The following JCAD variants were observed in gnomAD, a reference collection of about 807,000 sequenced individuals.
JCAD encodes junctional cadherin 5 associated, also known as junctional cadherin 5-associated protein.
Under a neutral mutation model 98.0 loss-of-function variants are expected in JCAD, and 40 were observed. That is an observed-to-expected ratio of 0.41 (90% CI 0.32 to 0.53). The LOEUF (loss-of-function observed/expected upper bound fraction) is 0.53, where lower values mean the gene tolerates loss of function less well. Ranked by LOEUF, JCAD falls within the 20% of genes least tolerant of loss-of-function variation. The pLI is 0.31. For synonymous variants in JCAD, 691 were observed against 682.3 expected (o/e 1.01, Z -0.20); for missense variants, 1,705 against 1,738.1 (o/e 0.98, Z 0.34).
chr10:30,102,590 C>A (rs976916368), intron 1 of JCAD, among the ~76,000 whole-genome samples: 4 of 152,222 alleles, frequency 2.6e-5, no homozygotes, highest in African/African-American at 9.6e-5. Context: ...TTAAACAACA[C>A]CTTCCGCTTT....
At chr10:30,034,661 CCA>C (rs1376183870) in intron 2 of JCAD, among the ~76,000 whole-genome samples, 1 of 152,124 alleles carries the variant, frequency 6.6e-6, no homozygotes, top group Non-Finnish European at 1.5e-5. Flanking sequence ...GCTCCAGAAG[CCA>C]CAGAGTCCTC....
At chr10:30,053,525 C>T (rs775032963) in intron 1 of JCAD, among the ~76,000 whole-genome samples, 1 of 149,164 alleles carries the variant, frequency 6.7e-6, no homozygotes, top group Non-Finnish European at 1.5e-5. Context: ...TGCCACTACA[C>T]TCCAGCCTGG....
chr10:30,104,588 G>A (rs1393940629), intron 1 of JCAD, among the ~76,000 whole-genome samples: 1 of 152,116 alleles, frequency 6.6e-6, no homozygotes, highest in Non-Finnish European at 1.5e-5. Flanking sequence ...CCAGGGAGGA[G>A]GGCAAGGGTT....
intron 1 of JCAD, among the ~76,000 whole-genome samples, chr10:30,092,909 G>A (rs1343013017): frequency 6.6e-6 from 1 of 152,010 alleles, no homozygotes; most frequent in East Asian, 1.9e-4. Flanking sequence ...GGGGTGTTAT[G>A]GAAAAATAGA....
At chr10:30,083,279 T>C (rs1838117015) in intron 1 of JCAD, among the ~76,000 whole-genome samples, 1 of 152,176 alleles carries the variant, frequency 6.6e-6, no homozygotes, top group African/African-American at 2.4e-5. Context: ...GTCAGACAAC[T>C]ATTTAGAGTC....
chr10:30,092,089 AAAGT>A lies in JCAD; in HGVS notation n.129-22272_129-22269del, dbSNP rs1564469939. 6.5e-4 allele frequency among the ~76,000 whole-genome samples: 20 copies of A among 30,600 alleles called. 1 individual carries two copies. Among genetic ancestry groups the A allele is most frequent in the African/African-American group, 2.8e-3 (18 of 6,402 alleles). 20.1% of individuals were successfully genotyped at this position (30,600 alleles called of 152,430 possible). On this transcript the variant is annotated intron_variant and non_coding_transcript_variant, in intron 1 of 2. Coordinates refer to the JCAD transcript ENST00000465712. Reference sequence around the variant, plus strand: ...AATATATATATATATATATATATATAAAGTTACTTTATATATATATATATATATA... The same window carrying A: ...AATATATATATATATATATATATATATACTTTATATATATATATATATATA...
intron 1 of JCAD, among the ~76,000 whole-genome samples, chr10:30,071,134 G>A (rs1837878724): frequency 6.6e-6 from 1 of 152,082 alleles, no homozygotes; most frequent in African/African-American, 2.4e-5. Context: ...TGAACTCCTG[G>A]CCTCAAGTGA....
intron 1 of JCAD, among the ~76,000 whole-genome samples, chr10:30,105,965 C>G (rs550866904): frequency 6.6e-6 from 1 of 152,302 alleles, no homozygotes; most frequent in South Asian, 2.1e-4. Flanking sequence ...GCTAACTCTT[C>G]CAAGCATTTA....
intron 2 of JCAD, among the ~76,000 whole-genome samples, chr10:30,031,694 G>A (rs1457719225): frequency 2.0e-5 from 3 of 150,294 alleles, no homozygotes; most frequent in South Asian, 2.1e-4. Context: ...CGCCCACCTC[G>A]GCCTCCCAAA....
rs553748795 is a variant in JCAD at position 30,114,392 on chromosome 10, A to G, written n.128+975T>C. Among the ~76,000 whole-genome samples, 3 of 152,300 alleles carry G rather than the reference A, an allele frequency of 2.0e-5. No homozygotes were observed. In the East Asian group the frequency reaches 5.8e-4, roughly 29 times the overall value. Reference sequence around the variant, plus strand: ...TAAATGTTTGACTGACAACTGATTGATTGATTTGGCTTTATCATCAAGTAG... The same window carrying G: ...TAAATGTTTGACTGACAACTGATTGGTTGATTTGGCTTTATCATCAAGTAG... On this transcript the variant is annotated intron_variant and non_coding_transcript_variant, in intron 1 of 2. Coordinates refer to the JCAD transcript ENST00000465712.
At position 30,047,759 on chromosome 10, in the gene JCAD, G is replaced by T. The variant is rs750546675; in HGVS notation, c.54C>A (p.Asp18Glu). 1.9e-6 allele frequency: 3 copies of T among 1,614,162 alleles called. No individual in the cohort carries two copies. The highest frequency in any genetic ancestry group is 2.2e-5 in the East Asian group (1 of 44,886). Residue 18 changes from aspartate to glutamate, a missense_variant, in exon 2 of 4, where the codon GAC becomes GAA. This residue lies in a region of JCAD where 152 missense variants were observed against 148.0 expected (regional missense o/e 1.03). Coordinates refer to ENST00000375377, the MANE Select transcript of JCAD (RefSeq NM_020848.4). Reference protein sequence around the residue: ...LISHGYKLSRDPPASREDNPK... With the variant: ...LISHGYKLSREPPASREDNPK... ...GGTTATCCTCGCGTGATGCTGGGGGGTCTCTTGACAGCTTGTATCCATGAG... is the reference window on the plus strand; with the variant it reads ...GGTTATCCTCGCGTGATGCTGGGGGTTCTCTTGACAGCTTGTATCCATGAG...
chr10:30,105,942 T>G (rs1838570982), intron 1 of JCAD, among the ~76,000 whole-genome samples: 3 of 152,214 alleles, frequency 2.0e-5, no homozygotes, highest in Non-Finnish European at 4.4e-5. Flanking sequence ...AGACCCAGCA[T>G]TAATGTAACT....
Position 30,021,441 on chromosome 10 carries a change from C to T in JCAD, c.4046-3524G>A, listed in dbSNP as rs201993066. 2.0e-5 allele frequency among the ~76,000 whole-genome samples: 3 copies of T among 152,176 alleles called. No individual in the cohort carries two copies. In the East Asian group the frequency reaches 5.8e-4, roughly 29 times the overall value. On this transcript the variant is annotated intron_variant, in intron 3 of 3. Transcript: ENST00000375377. ...TTTTGGGCTCAGATGATCCTCCCACCTCTGCCTCCGAAAGTACTGGGATTA... is the reference window on the plus strand; with the variant it reads ...TTTTGGGCTCAGATGATCCTCCCACTTCTGCCTCCGAAAGTACTGGGATTA...
intron 2 of JCAD, among the ~76,000 whole-genome samples, chr10:30,042,055 G>C (rs571165720): frequency 3.9e-5 from 6 of 152,264 alleles, no homozygotes; most frequent in African/African-American, 7.2e-5. Flanking sequence ...GACCACGTCA[G>C]TGCCTTTCAT....
intron 2 of JCAD, among the ~76,000 whole-genome samples, chr10:30,039,533 C>G (rs1837198877): frequency 6.6e-6 from 1 of 152,150 alleles, no homozygotes. Flanking sequence ...TGTGGATTCC[C>G]TAACTTGAGG....
intron 3 of JCAD, among the ~76,000 whole-genome samples, chr10:30,023,597 G>A (rs899133832): frequency 4.6e-5 from 7 of 152,152 alleles, no homozygotes; most frequent in African/African-American, 4.8e-5. Context: ...GACTGTACTT[G>A]AAAATGCCCG....
intron 1 of JCAD, among the ~76,000 whole-genome samples, chr10:30,092,589 A>G (rs1838303086): frequency 6.6e-6 from 1 of 152,180 alleles, no homozygotes; most frequent in African/African-American, 2.4e-5. Flanking sequence ...GGCAGCCCAC[A>G]CGATGAGTCG....
chr10:30,038,957 C>CT (rs943507122), intron 2 of JCAD, among the ~76,000 whole-genome samples: 2 of 152,164 alleles, frequency 1.3e-5, no homozygotes, highest in African/African-American at 4.8e-5. Context: ...GAACAACATC[C>CT]TTCCTGCAAC....
At chr10:30,050,973 G>A (rs966873623) in intron 1 of JCAD, among the ~76,000 whole-genome samples, 8 of 152,182 alleles carry the variant, frequency 5.3e-5, no homozygotes, top group African/African-American at 1.9e-4. Context: ...CAAGAAAACT[G>A]AGGCTGACAG....
Sources: gnomAD v4.1 joint callset for allele counts (sites outside exome capture counted in the v4.1 genomes callset) on GRCh38, gnomAD v4.1.1 for gene constraint, gnomAD v4.1.1 regional missense constraint, MANE v1.5 for transcripts, NCBI Gene and HGNC (gene_info 2026-07-23, HGNC 2026-07-21) for gene names.